SPAG16: variants seen among roughly 807,000 people sequenced by gnomAD.
SPAG16 encodes sperm associated antigen 16, also known as sperm-associated antigen 16 protein.
A neutral mutation model predicts 80.4 loss-of-function variants in SPAG16; 86 were observed. The observed-to-expected ratio is 1.07, with a 90% confidence interval of 0.90 to 1.28. SPAG16 has a LOEUF of 1.28. SPAG16 is among the 50% of genes most tolerant of loss of function. The probability of loss-of-function intolerance (pLI) is 0.00; values close to 1 mark genes in which losing one functional copy is unlikely to be tolerated. For missense variants in SPAG16, 870 were observed against 765.3 expected, an observed-to-expected ratio of 1.14 and a Z score of -1.61; for synonymous variants, 294 against 265.9, an observed-to-expected ratio of 1.11 and a Z score of -1.03.
chr2:213,907,133 G>A lies in SPAG16; in HGVS notation c.1215-22827G>A, dbSNP rs145693788. On this transcript the variant is annotated intron_variant, in intron 11 of 15. Coordinates refer to ENST00000331683, the MANE Select transcript of SPAG16 (RefSeq NM_024532.5). ...TCATTCAACAATGGACTGATATCTG[G>A]AACATACAAGGGATTCAAAGGACTC... Among the ~76,000 whole-genome samples, 768 of 152,134 alleles carry A rather than the reference G, an allele frequency of 5.0e-3. 5 individuals are homozygous for A. The highest frequency in any genetic ancestry group is 0.017 in the African/African-American group (703 of 41,518).
intron 15 of SPAG16, among the ~76,000 whole-genome samples, chr2:214,206,429 C>T (rs960113040): frequency 6.6e-6 from 1 of 152,190 alleles, no homozygotes; most frequent in African/African-American, 2.4e-5. Flanking sequence ...CCTCCAGGCT[C>T]ATCCATGTTG....
At chr2:213,584,815 A>G (rs1426409774) in intron 10 of SPAG16, among the ~76,000 whole-genome samples, 1 of 152,004 alleles carries the variant, frequency 6.6e-6, no homozygotes, top group Non-Finnish European at 1.5e-5. Flanking sequence ...AATATATTGT[A>G]ATAGTAGTGA....
intron 6 of SPAG16, among the ~76,000 whole-genome samples, chr2:213,342,966 C>G (rs2064778435): frequency 6.6e-6 from 1 of 151,880 alleles, no homozygotes; most frequent in Non-Finnish European, 1.5e-5. Flanking sequence ...AGGCAGAGAT[C>G]AGAGTTCAGG....
chr2:213,973,295 T>C (rs867289101), intron 12 of SPAG16, among the ~76,000 whole-genome samples: 1 of 152,118 alleles, frequency 6.6e-6, no homozygotes. Flanking sequence ...CAGTTGTGTG[T>C]CTTAATGGTA....
chr2:213,766,200 A>C (rs1455572346), intron 10 of SPAG16, among the ~76,000 whole-genome samples: 1 of 152,208 alleles, frequency 6.6e-6, no homozygotes, highest in Admixed American at 6.5e-5. Flanking sequence ...CAGAAAGTGC[A>C]TAGAAATAGA....
At chr2:214,153,554 G>A (rs1451643242) in intron 15 of SPAG16, among the ~76,000 whole-genome samples, 1 of 152,022 alleles carries the variant, frequency 6.6e-6, no homozygotes, top group East Asian at 1.9e-4. Flanking sequence ...TTTTATCCTA[G>A]TGCTGAAGGG....
chr2:213,583,746 A>G (rs2060372000), intron 10 of SPAG16, among the ~76,000 whole-genome samples: 1 of 152,242 alleles, frequency 6.6e-6, no homozygotes, highest in African/African-American at 2.4e-5. Flanking sequence ...CCCATATTTG[A>G]TCTTCATTAT....
intron 1 of SPAG16, among the ~76,000 whole-genome samples, 195 bp from the exon 2 acceptor site, chr2:213,295,865 TAATG>T (rs1323132477): frequency 3.3e-5 from 5 of 152,094 alleles, no homozygotes; most frequent in African/African-American, 9.6e-5. Context: ...TTGTGAAAAA[TAATG>T]AAGTATTTTA....
intron 13 of SPAG16, among the ~76,000 whole-genome samples, chr2:214,023,585 A>C (rs1027926043): frequency 1.3e-5 from 2 of 151,796 alleles, no homozygotes; most frequent in African/African-American, 4.8e-5. Flanking sequence ...TACTCAAATA[A>C]TCCAATTGTT....
At chr2:213,428,845 A>G (rs975993890) in intron 9 of SPAG16, among the ~76,000 whole-genome samples, 1 of 152,092 alleles carries the variant, frequency 6.6e-6, no homozygotes, top group Admixed American at 6.6e-5. Flanking sequence ...TAATCCCAGC[A>G]CTTTGGGAGG....
At chr2:214,305,926 G>T (rs1185475902) in intron 15 of SPAG16, among the ~76,000 whole-genome samples, 1 of 151,916 alleles carries the variant, frequency 6.6e-6, no homozygotes, top group Non-Finnish European at 1.5e-5. Flanking sequence ...GTCATTGGTA[G>T]TATGATAGGA....
intron 13 of SPAG16, among the ~76,000 whole-genome samples, chr2:214,066,606 C>A (rs1414632199): frequency 6.6e-6 from 1 of 151,922 alleles, no homozygotes; most frequent in Non-Finnish European, 1.5e-5. Context: ...GTGCCTAGAA[C>A]AGGACAATAT....
At chr2:213,787,692 A>G (rs1226362880) in intron 10 of SPAG16, among the ~76,000 whole-genome samples, 1 of 152,090 alleles carries the variant, frequency 6.6e-6, no homozygotes, top group Non-Finnish European at 1.5e-5. Context: ...ATTAAATTGG[A>G]AAACATCTTA....
At chr2:213,484,999 C>CTT (rs555509262) in intron 9 of SPAG16, among the ~76,000 whole-genome samples, 14 of 145,210 alleles carry the variant, frequency 9.6e-5, no homozygotes, top group African/African-American at 2.7e-4. Flanking sequence ...TTTTTCTTTT[C>CTT]TTTTTTTTTT....
At chr2:213,641,231 G>A (rs928267023) in intron 10 of SPAG16, among the ~76,000 whole-genome samples, 1 of 152,162 alleles carries the variant, frequency 6.6e-6, no homozygotes, top group Non-Finnish European at 1.5e-5. Flanking sequence ...AAAGCTGGCA[G>A]TGACAGGCCT....
At chr2:213,689,747 T>G (rs2125290937) in intron 10 of SPAG16, among the ~76,000 whole-genome samples, 1 of 152,276 alleles carries the variant, frequency 6.6e-6, no homozygotes, top group African/African-American at 2.4e-5. Context: ...TGCTAATTAG[T>G]ACCCAGCTGA....
intron 10 of SPAG16, among the ~76,000 whole-genome samples, chr2:213,552,349 C>T (rs2076803455): frequency 6.6e-6 from 1 of 152,184 alleles, no homozygotes; most frequent in African/African-American, 2.4e-5. Flanking sequence ...TACTTTCTTC[C>T]CGAGCCCTGC....
chr2:213,714,062 A>T (rs953177354), intron 10 of SPAG16, among the ~76,000 whole-genome samples: 1 of 152,188 alleles, frequency 6.6e-6, no homozygotes, highest in Non-Finnish European at 1.5e-5. Flanking sequence ...TCTCCTAGCA[A>T]ATCTTCCACT....
chr2:213,673,844 C>T (rs1316250728), intron 10 of SPAG16, among the ~76,000 whole-genome samples: 2 of 151,958 alleles, frequency 1.3e-5, no homozygotes, highest in East Asian at 3.9e-4. Flanking sequence ...AATGCTATCA[C>T]TTTAACGGAC....
Sources: allele counts gnomAD v4.1 joint callset (sites outside exome capture counted in the v4.1 genomes callset), GRCh38; gene constraint gnomAD v4.1.1; transcripts MANE v1.5; gene names NCBI Gene and HGNC (gene_info 2026-07-23, HGNC 2026-07-21).